The following C6 variants were observed in gnomAD, a reference collection of about 807,000 sequenced individuals.
The protein encoded by C6 is complement C6.
C6 carries 101 observed loss-of-function variants against 112.9 expected under a neutral mutation model. The ratio of observed to expected loss-of-function variants is 0.89; its 90% CI spans 0.76 to 1.06. C6 has a LOEUF of 1.06. Ranked by LOEUF, C6 falls within the 50% of genes least tolerant of loss-of-function variation. C6 has a pLI of 0.00. For missense variants in C6, 1,202 were observed against 1,104.6 expected (o/e 1.09, Z -1.25); for synonymous variants, 431 against 384.1 (o/e 1.12, Z -1.43).
chr5:41,210,441 T>C (rs1402499237), intron 1 of C6, among the ~76,000 whole-genome samples: 5 of 152,004 alleles, frequency 3.3e-5, no homozygotes, highest in Non-Finnish European at 5.9e-5. Flanking sequence ...ACCTACAGAA[T>C]GGGAGAAAAT....
intron 11 of C6, 35 bp from the exon 12 acceptor site, chr5:41,159,288 G>C (rs112301093): frequency 6.2e-7 from 1 of 1,606,190 alleles, no homozygotes; most frequent in African/African-American, 1.3e-5. Context: ...CATGGATCAT[G>C]GTGCAGCTGA....
intron 8 of C6, among the ~76,000 whole-genome samples, chr5:41,174,223 C>G (rs1748660631): frequency 6.6e-6 from 1 of 152,116 alleles, no homozygotes; most frequent in South Asian, 2.1e-4. Context: ...TCTGTGCAAT[C>G]CTTTTCTTCC....
intron 1 of C6, among the ~76,000 whole-genome samples, chr5:41,241,000 G>A (rs1740674353): frequency 1.3e-5 from 2 of 152,152 alleles, no homozygotes; most frequent in Admixed American, 1.3e-4. Context: ...TACAGGGCAA[G>A]ACAACTTCCC....
chr5:41,251,914 A>G (rs960958309), intron 1 of C6, among the ~76,000 whole-genome samples: 1 of 152,210 alleles, frequency 6.6e-6, no homozygotes, highest in Non-Finnish European at 1.5e-5. Context: ...GGGAAAAGAT[A>G]TGGTTGGGAA....
chr5:41,222,412 T>A (rs931594204), intron 1 of C6, among the ~76,000 whole-genome samples: 5 of 152,006 alleles, frequency 3.3e-5, no homozygotes, highest in African/African-American at 1.2e-4. Flanking sequence ...AAGTTTGCAT[T>A]AAACAGAAAA....
Position 41,155,597 on chromosome 5 carries a change from G to C in C6, c.1969-493C>G, listed in dbSNP as rs546469901. Among the ~76,000 whole-genome samples the C allele has an allele frequency of 3.9e-5, 6 of 152,162 alleles. No homozygotes were observed. The South Asian group carries it at 1.2e-3, about 32-fold the overall frequency. The stretch of plus-strand genomic sequence containing the variant: ...TACAGAAAAGTAGCGAGAAGTGGTG[G>C]CATGGCCTGTGGTCCCAGCTACTTG... On this transcript the variant is annotated intron_variant, in intron 13 of 17. Coordinates refer to ENST00000337836, the MANE Select transcript of C6 (RefSeq NM_000065.5).
chr5:41,189,754 T>C (rs1288514734), intron 5 of C6, among the ~76,000 whole-genome samples: 1 of 152,080 alleles, frequency 6.6e-6, no homozygotes, highest in Non-Finnish European at 1.5e-5. Flanking sequence ...TTAACCAATC[T>C]CTTCCTATCC....
At chr5:41,186,434 CACTT>C in intron 5 of C6, 2 of 543,608 alleles carry the variant, frequency 3.7e-6, no homozygotes, top group African/African-American at 1.9e-5. Flanking sequence ...TCTCCTATTC[CACTT>C]ACTTAATTGT....
chr5:41,188,655 A>C (rs1416289145), intron 5 of C6, among the ~76,000 whole-genome samples: 1 of 152,028 alleles, frequency 6.6e-6, no homozygotes, highest in Non-Finnish European at 1.5e-5. Flanking sequence ...TAAGAGCTGA[A>C]ACTATAGAAC....
In C6 at chr5:41,142,716, G is replaced by C; in HGVS notation, c.*109C>G. On this transcript the variant is annotated 3_prime_UTR_variant, in exon 18 of 18. Transcript: ENST00000337836. Reference sequence around the variant, plus strand: ...AACTAACAGAAAATAATTTTTGTCAGTAACTTTGAGCATGCCAGTCTGCTG... The same window carrying C: ...AACTAACAGAAAATAATTTTTGTCACTAACTTTGAGCATGCCAGTCTGCTG... 1.1e-6 allele frequency: 1 copy of C among 873,150 alleles called. No individual in the cohort carries two copies. The highest frequency in any genetic ancestry group is 2.5e-5 in the East Asian group (1 of 40,584). The allele number at this position is 873,150 out of a possible 1,614,324, so 54.1% of individuals were successfully genotyped here. A position where few individuals can be genotyped will look rare whatever the true frequency, so the allele number is the denominator to read the frequency against.
chr5:41,212,439 G>T (rs189447738), intron 1 of C6, among the ~76,000 whole-genome samples: 1 of 152,042 alleles, frequency 6.6e-6, no homozygotes, highest in Non-Finnish European at 1.5e-5. Flanking sequence ...GATTACAAGC[G>T]TGAGCCACCA....
chr5:41,183,841 A>G (rs1368580313), intron 6 of C6, among the ~76,000 whole-genome samples: 2 of 152,236 alleles, frequency 1.3e-5, no homozygotes, highest in Non-Finnish European at 2.9e-5. Flanking sequence ...ACATGGATAC[A>G]GCTGGAGACC....
chr5:41,229,341 T>G (rs1253235638), intron 1 of C6, among the ~76,000 whole-genome samples: 3 of 152,022 alleles, frequency 2.0e-5, no homozygotes, highest in African/African-American at 7.2e-5. Flanking sequence ...AACTTTTTTT[T>G]TTTTTGCTGC....
chr5:41,173,585 T>C (rs182341255), intron 8 of C6, among the ~76,000 whole-genome samples: 26 of 152,314 alleles, frequency 1.7e-4, no homozygotes, highest in Admixed American at 1.6e-3. Flanking sequence ...GCTGTTAATA[T>C]AAGCTCTTAA....
At chr5:41,175,085 A>T (rs2150308534) in intron 8 of C6, among the ~76,000 whole-genome samples, 1 of 152,194 alleles carries the variant, frequency 6.6e-6, no homozygotes, top group East Asian at 1.9e-4. Flanking sequence ...CTACTCATAT[A>T]CCCTTGACCT....
intron 1 of C6, among the ~76,000 whole-genome samples, chr5:41,254,985 C>A (rs982967033): frequency 6.6e-6 from 1 of 152,180 alleles, no homozygotes; most frequent in Non-Finnish European, 1.5e-5. Flanking sequence ...CATAGGTGCT[C>A]ATGTCTGATT....
chr5:41,164,538 A>G (rs897702275), intron 9 of C6, among the ~76,000 whole-genome samples: 1 of 152,212 alleles, frequency 6.6e-6, no homozygotes, highest in Non-Finnish European at 1.5e-5. Flanking sequence ...ATTAGACTTC[A>G]TTCTTCAGGT....
intron 9 of C6, among the ~76,000 whole-genome samples, chr5:41,168,403 G>C (rs982986624): frequency 3.3e-5 from 5 of 152,086 alleles, no homozygotes; most frequent in African/African-American, 1.2e-4. Flanking sequence ...GAGGGTCAAA[G>C]AATAATAACA....
At chr5:41,243,974 A>G (rs80028738) in intron 1 of C6, among the ~76,000 whole-genome samples, 2,487 of 152,246 alleles carry the variant, frequency 0.016, 29 homozygotes, top group Admixed American at 0.025. Flanking sequence ...TATTGTCTTC[A>G]TTTCTTTCCC....
Sources: gnomAD v4.1 joint callset for allele counts (sites outside exome capture counted in the v4.1 genomes callset) on GRCh38, gnomAD v4.1.1 for gene constraint, MANE v1.5 for transcripts, NCBI Gene and HGNC (gene_info 2026-07-23, HGNC 2026-07-21) for gene names.